CPLX2: variants seen among roughly 807,000 people sequenced by gnomAD.
The protein encoded by CPLX2 is complexin 2, also known as complexin-2.
Under a neutral mutation model 16.3 loss-of-function variants are expected in CPLX2, and 5 were observed. That is an observed-to-expected ratio of 0.31 (90% confidence interval 0.16 to 0.64). The LOEUF (loss-of-function observed/expected upper bound fraction) is 0.64. Among genes scored for constraint, CPLX2 ranks in the 30% least tolerant of loss-of-function variants. The probability of loss-of-function intolerance (pLI) is 0.79; values close to 1 mark genes in which losing one functional copy is unlikely to be tolerated. For synonymous variants in CPLX2, 89 were observed against 73.2 expected (o/e 1.22, Z -1.10); for missense variants, 144 against 181.4 (o/e 0.79, Z 1.18).
At chr5:175,800,808 T>C (rs557836464) in intron 1 of CPLX2, among the ~76,000 whole-genome samples, 12 of 152,184 alleles carry the variant, frequency 7.9e-5, no homozygotes, top group African/African-American at 1.2e-4. Context: ...AGACCCACAG[T>C]AGGCACAGTC....
intron 2 of CPLX2, among the ~76,000 whole-genome samples, chr5:175,817,410 G>A (rs2113640237): frequency 6.6e-6 from 1 of 152,322 alleles, no homozygotes; most frequent in East Asian, 1.9e-4. Context: ...AATGCGTAAT[G>A]TCCTAACGCA....
chr5:175,821,012 G>A (rs113600656), intron 2 of CPLX2, among the ~76,000 whole-genome samples: 1,647 of 152,256 alleles, frequency 0.011, 31 homozygotes, highest in African/African-American at 0.038. Context: ...CCTGGAGGGA[G>A]CAGTGACACT....
intron 2 of CPLX2, among the ~76,000 whole-genome samples, chr5:175,854,923 A>T (rs575491253): frequency 6.6e-6 from 1 of 152,240 alleles, no homozygotes; most frequent in Admixed American, 6.5e-5. Flanking sequence ...GGCTGCAACA[A>T]TGGCCAGACA....
Position 175,882,543 on chromosome 5 carries a change from G to A in CPLX2, c.*2498G>A, listed in dbSNP as rs1755645526. ...GCCGGAGGGACCCCAGACCTTCAGA[G>A]GGCTGCCCTGGTGTTCTCCACAGTG... On this transcript the variant is annotated 3_prime_UTR_variant, in exon 4 of 4. Transcript: ENST00000393745. The A allele has an allele frequency of 6.5e-6, 1 of 152,704 alleles. No individual in the cohort carries two copies. The highest frequency in any genetic ancestry group is 6.5e-5 in the Admixed American group (1 of 15,286). The allele number at this position is 152,704 out of a possible 1,614,324, so 9.5% of individuals were successfully genotyped here. A position where few individuals can be genotyped will look rare whatever the true frequency, so the allele number is the denominator to read the frequency against.
At chr5:175,848,456 G>A (rs796914634) in intron 2 of CPLX2, among the ~76,000 whole-genome samples, 13 of 152,318 alleles carry the variant, frequency 8.5e-5, no homozygotes, top group African/African-American at 3.1e-4. Context: ...AGGGAGAACA[G>A]GGTGTCTTCT....
Position 175,830,402 on chromosome 5 carries a change from G to A in CPLX2, c.-89+21334G>A, listed in dbSNP as rs908045680. 6.6e-6 allele frequency among the ~76,000 whole-genome samples: 1 copy of A among 152,172 alleles called. No homozygotes were observed. The highest frequency in any genetic ancestry group is 6.5e-5 in the Admixed American group (1 of 15,288). On this transcript the variant is annotated intron_variant, in intron 2 of 4. Transcript: ENST00000359546. This position sits in a 1 kb window ranked among gnomAD's most constrained non-coding sequence, Gnocchi z 4.0. ...CCAGGGAGCAGCAGAGCCCAGGTATGAACCATCATGCCTGTCTCCTTCCCC... is the reference window on the plus strand; with the variant it reads ...CCAGGGAGCAGCAGAGCCCAGGTATAAACCATCATGCCTGTCTCCTTCCCC...
chr5:175,812,029 C>T (rs1758320814), intron 2 of CPLX2, among the ~76,000 whole-genome samples: 1 of 152,232 alleles, frequency 6.6e-6, no homozygotes, highest in South Asian at 2.1e-4. Flanking sequence ...GGGAACCAGG[C>T]AGAGTTTCAT....
chr5:175,848,793 T>TACCA (rs1173593353), intron 2 of CPLX2, among the ~76,000 whole-genome samples: 11 of 152,090 alleles, frequency 7.2e-5, no homozygotes, highest in Non-Finnish European at 1.5e-5. Context: ...AGAATGTGAA[T>TACCA]ACCAAGAAGG....
At chr5:175,847,331 A>C (rs1182215895) in intron 2 of CPLX2, among the ~76,000 whole-genome samples, 1 of 152,182 alleles carries the variant, frequency 6.6e-6, no homozygotes, top group African/African-American at 2.4e-5. Context: ...TTCAGGATCC[A>C]AGGCAATCTG....
chr5:175,864,168 T>G, intron 2 of CPLX2, among the ~76,000 whole-genome samples: 1 of 108,914 alleles, frequency 9.2e-6, no homozygotes, highest in Admixed American at 1.0e-4. Context: ...CCCTGGAAGG[T>G]AGAGATCACT....
At chr5:175,878,599 C>G (rs1755470644) in intron 1 of CPLX2, 53 bp from the exon 2 acceptor site, 1 of 930,944 alleles carries the variant, frequency 1.1e-6, no homozygotes, top group African/African-American at 1.6e-5. Context: ...CTAGCTCCCC[C>G]GCCCTGCCTG....
At chr5:175,816,355 G>C (rs1269293662) in intron 2 of CPLX2, among the ~76,000 whole-genome samples, 2 of 152,056 alleles carry the variant, frequency 1.3e-5, no homozygotes, top group Non-Finnish European at 2.9e-5. Context: ...TTTAGTAGAG[G>C]CGGGGTTTCA....
At chr5:175,828,941 A>G (rs1221733894) in intron 2 of CPLX2, among the ~76,000 whole-genome samples, 1 of 152,102 alleles carries the variant, frequency 6.6e-6, no homozygotes. Flanking sequence ...CAGGTGGAGA[A>G]GTGAGGTCTG....
At chr5:175,852,892 G>T (rs967192918) in intron 2 of CPLX2, among the ~76,000 whole-genome samples, 1 of 152,108 alleles carries the variant, frequency 6.6e-6, no homozygotes, top group East Asian at 1.9e-4. Flanking sequence ...TACCACTCTC[G>T]ATAGCAAGTC....
At position 175,804,208 on chromosome 5, in the gene CPLX2, T is replaced by C. The variant is rs544594639; in HGVS notation, c.-168-4781T>C. Reference sequence around the variant, plus strand: ...TGAATTGTGCATAAGCAGGACCTAATCTTGGCCCGAAGACATTTGCTTAAC... The same window carrying C: ...TGAATTGTGCATAAGCAGGACCTAACCTTGGCCCGAAGACATTTGCTTAAC... On this transcript the variant is annotated intron_variant, in intron 1 of 4. Transcript: ENST00000359546. 5.3e-5 allele frequency among the ~76,000 whole-genome samples: 8 copies of C among 152,324 alleles called. No homozygotes were observed. In the South Asian group the frequency reaches 8.3e-4, roughly 16 times the overall value.
At chr5:175,797,202 C>T (rs577496747) in intron 1 of CPLX2, among the ~76,000 whole-genome samples, 4 of 152,290 alleles carry the variant, frequency 2.6e-5, no homozygotes, top group Non-Finnish European at 5.9e-5. Flanking sequence ...CGAACAAAGC[C>T]GCGGGTCTGG....
At chr5:175,842,229 G>T (rs188800928) in intron 2 of CPLX2, among the ~76,000 whole-genome samples, 2 of 152,330 alleles carry the variant, frequency 1.3e-5, no homozygotes, top group Admixed American at 1.3e-4. Context: ...CATTTCAACC[G>T]AAAACAGCAG....
chr5:175,873,387 G>A (rs772167354), intron 1 of CPLX2, among the ~76,000 whole-genome samples: 4 of 151,850 alleles, frequency 2.6e-5, no homozygotes, highest in South Asian at 2.1e-4. Flanking sequence ...AATTCAACCC[G>A]GCACACACGT....
chr5:175,844,639 G>T (rs2113672194), intron 2 of CPLX2, among the ~76,000 whole-genome samples: 1 of 152,376 alleles, frequency 6.6e-6, no homozygotes, highest in African/African-American at 2.4e-5. Flanking sequence ...ATGAAGAACA[G>T]AGAGAACAGC....
Sources: gnomAD v4.1 joint callset for allele counts (sites outside exome capture counted in the v4.1 genomes callset) on GRCh38, gnomAD v4.1.1 for gene constraint, Gnocchi (gnomAD v3.1) non-coding constraint, MANE v1.5 for transcripts, NCBI Gene and HGNC (gene_info 2026-07-23, HGNC 2026-07-21) for gene names.